Variants in PHRF1 observed in about 807,000 individuals in gnomAD.
The protein encoded by PHRF1 is PHD and ring finger domains 1.
PHRF1 carries 53 observed loss-of-function variants against 128.9 expected under a neutral mutation model. The observed-to-expected ratio is 0.41, with a 90% confidence interval of 0.33 to 0.52. The LOEUF is 0.52. PHRF1 is among the 20% of genes least tolerant of loss of function. The pLI is 0.21. For synonymous variants in PHRF1, 1,178 were observed against 980.6 expected (o/e 1.20, Z -3.76); for missense variants, 2,503 against 2,284.5 (o/e 1.10, Z -1.95).
At chr11:588,637 C>T (rs1354943957) in intron 4 of PHRF1, among the ~76,000 whole-genome samples, 3 of 152,098 alleles carry the variant, frequency 2.0e-5, no homozygotes, top group African/African-American at 4.8e-5. Flanking sequence ...TCTCGGCCTC[C>T]CAAACTGCTG....
chr11:586,740 T>A (rs1854591372), intron 3 of PHRF1, among the ~76,000 whole-genome samples: 1 of 152,184 alleles, frequency 6.6e-6, no homozygotes, highest in South Asian at 2.1e-4. Flanking sequence ...GTGGCCCAGT[T>A]AGGAGTCTGT....
At chr11:586,025 C>A (rs1246497740) in intron 3 of PHRF1, among the ~76,000 whole-genome samples, 3 of 151,942 alleles carry the variant, frequency 2.0e-5, no homozygotes, top group African/African-American at 7.2e-5. Context: ...CCACACCCGG[C>A]TATTTTTGTA....
chr11:579,232 GCTC>G (rs1854066057), intron 1 of PHRF1, among the ~76,000 whole-genome samples: 1 of 150,590 alleles, frequency 6.6e-6, no homozygotes, highest in South Asian at 2.1e-4. Context: ...CCCCAGCCCT[GCTC>G]CTCCCCCCAG....
At chr11:577,313 T>C (rs1056119667) in intron 1 of PHRF1, among the ~76,000 whole-genome samples, 2 of 152,252 alleles carry the variant, frequency 1.3e-5, no homozygotes, top group Admixed American at 1.3e-4. Context: ...TTGACGGGGC[T>C]TGTGTTGCCC....
chr11:590,922 C>G (rs551434301), intron 4 of PHRF1, among the ~76,000 whole-genome samples: 1 of 152,226 alleles, frequency 6.6e-6, no homozygotes, highest in Non-Finnish European at 1.5e-5. Flanking sequence ...AGGCTGGTCT[C>G]GAACTCCCGA....
At position 607,337 on chromosome 11, in the gene PHRF1, C is replaced by G; in HGVS notation, c.1881C>G (p.Ser627Arg). 6.2e-7 allele frequency: 1 copy of G among 1,612,742 alleles called. No individual in the cohort carries two copies. The change falls in exon 14 of 18, where the codon AGC becomes AGG. Residue 627 changes from serine (S) to arginine (R), a missense_variant. Transcript: ENST00000264555. ...SNGSVPGFRQ[S>R]HSPWFNGTNK... ...GGAGTGTGCCTGGCTTCAGACAGAG[C>G]CACAGCCCCTGGTTCAACGGCACCA... is the stretch of plus-strand genomic sequence containing the variant.
chr11:579,853 G>C (rs1564835952), intron 1 of PHRF1, among the ~76,000 whole-genome samples: 1 of 152,234 alleles, frequency 6.6e-6, no homozygotes, highest in Non-Finnish European at 1.5e-5. Context: ...TTAGAATCTA[G>C]GGTTTTGCAC....
intron 3 of PHRF1, among the ~76,000 whole-genome samples, chr11:584,830 C>T (rs911525636): frequency 2.5e-4 from 38 of 151,438 alleles, no homozygotes; most frequent in Non-Finnish European, 4.7e-4. Context: ...CTCTGCCTCC[C>T]GGGTTCAAGC....
intron 6 of PHRF1, among the ~76,000 whole-genome samples, chr11:595,033 A>G (rs1376488052): frequency 6.6e-6 from 1 of 152,348 alleles, no homozygotes; most frequent in Admixed American, 6.5e-5. Context: ...CTGACTTAAA[A>G]ATCACACGTC....
rs756706753 is a variant in PHRF1 at position 611,073 on chromosome 11, C to T, written c.4797C>T (p.Ala1599=). Residue 1599 remains alanine (A), a synonymous_variant, in exon 17 of 18, where the codon GCC becomes GCT. Coordinates refer to ENST00000264555, the MANE Select transcript of PHRF1 (RefSeq NM_001286581.2). ...KEEYKDILRK[A]VQKICHSKSG... ...AGTACAAGGACATCCTGCGCAAGGC[C>T]GTGCAGAAGGTGGGCTGTGTGCGAG... The T allele has an allele frequency of 3.5e-5, 56 of 1,612,630 alleles. No individual in the cohort carries two copies. Among genetic ancestry groups the T allele is most frequent in the East Asian group, 1.1e-4 (5 of 44,872 alleles).
Position 597,148 on chromosome 11 carries a change from G to C in PHRF1, c.718+128G>C. ...GGCTGTCTCATGGGGGTTAGGGTTG[G>C]CTGCGGTGTCGGGAGGACATCTAGG... On this transcript the variant is annotated intron_variant, in intron 7 of 17. Transcript: ENST00000264555. The surrounding 1 kb of genome is among the most constrained non-coding windows in gnomAD (Gnocchi z 6.5). 2.8e-6 allele frequency: 3 copies of C among 1,087,868 alleles called. No individual in the cohort carries two copies. The highest frequency in any genetic ancestry group is 4.0e-6 in the Non-Finnish European group (3 of 754,130). 67.4% of individuals were successfully genotyped at this position (1,087,868 alleles called of 1,614,324 possible). A position where few individuals can be genotyped will look rare whatever the true frequency, so the allele number is the denominator to read the frequency against.
intron 9 of PHRF1, 133 bp downstream of exon 9, chr11:598,635 CA>C: frequency 7.3e-7 from 1 of 1,367,768 alleles, no homozygotes; most frequent in South Asian, 1.5e-5. Context: ...CTGCTGAAAA[CA>C]CTACACAGAA....
Position 607,310 on chromosome 11 carries a change from T to C in PHRF1, c.1854T>C (p.Asn618=). Reference sequence around the variant, plus strand: ...CGGTTCAGGCTCGGAACTTGTCAAATGGGAGTGTGCCTGGCTTCAGACAGA... The same window carrying C: ...CGGTTCAGGCTCGGAACTTGTCAAACGGGAGTGTGCCTGGCTTCAGACAGA... ...PGAVQARNLS[N]GSVPGFRQSH... is the part of the protein sequence containing the mutation. Residue 618 remains asparagine (N), a synonymous_variant, in exon 14 of 18, where the codon AAT becomes AAC. Transcript: ENST00000264555. 1 of 1,612,638 alleles carries C rather than the reference T, an allele frequency of 6.2e-7. No homozygotes were observed. The highest frequency in any genetic ancestry group is 1.1e-5 in the South Asian group (1 of 91,084).
chr11:591,099 T>G (rs1380025860), intron 4 of PHRF1, among the ~76,000 whole-genome samples: 1 of 152,222 alleles, frequency 6.6e-6, no homozygotes, highest in Non-Finnish European at 1.5e-5. Context: ...GAGGGGCCTG[T>G]GCACAATGCC....
In PHRF1 at chr11:605,847, C is replaced by T. The variant is rs1589896264; in HGVS notation, c.1454+123C>T. The stretch of plus-strand genomic sequence containing the variant: ...CCTGGGTGGCGTCAGCACCTCCCCT[C>T]AGCTGTCATGCTCATCAGTCGGCCC... On this transcript the variant is annotated intron_variant, in intron 12 of 17. Coordinates refer to ENST00000264555, the MANE Select transcript of PHRF1 (RefSeq NM_001286581.2). The T allele has an allele frequency of 3.6e-6, 5 of 1,401,698 alleles. No homozygotes were observed. The East Asian group carries it at 1.0e-4, about 28-fold the overall frequency. The allele number at this position is 1,401,698 out of a possible 1,614,324, so 86.8% of individuals were successfully genotyped here.
Position 597,489 on chromosome 11 carries a change from G to A in PHRF1, c.813G>A (p.Arg271=), listed in dbSNP as rs926987656. The change falls in exon 8 of 18, where the codon CGG becomes CGA. Residue 271 remains arginine, a synonymous_variant. Coordinates refer to ENST00000264555, the MANE Select transcript of PHRF1 (RefSeq NM_001286581.2). The surrounding 1 kb of genome is among the most constrained non-coding windows in gnomAD (Gnocchi z 6.5). ...SRLRPRAGRT[R]AIARTRQSER... ...TTCGGCCTCGAGCAGGTAGGACCCGGGCGATAGCCAGGACACGGCAGAGTG... is the reference window on the plus strand; with the variant it reads ...TTCGGCCTCGAGCAGGTAGGACCCGAGCGATAGCCAGGACACGGCAGAGTG... 1.2e-6 allele frequency: 2 copies of A among 1,612,684 alleles called. No homozygotes were observed. The highest frequency in any genetic ancestry group is 1.7e-5 in the Admixed American group (1 of 59,894).
chr11:605,772 A>T (rs750563324), intron 12 of PHRF1, 48 bp downstream of exon 12: 1 of 1,563,648 alleles, frequency 6.4e-7, no homozygotes, highest in South Asian at 1.2e-5. Context: ...GCAGTTGGGC[A>T]TCGGATGGGA....
intron 14 of PHRF1, 87 bp from the exon 15 acceptor site, chr11:610,109 G>C (rs1856271783): frequency 7.0e-7 from 1 of 1,436,308 alleles, no homozygotes. Flanking sequence ...TGCTCCTGGT[G>C]CTTTTCTGGA....
chr11:589,862 T>G, intron 4 of PHRF1, among the ~76,000 whole-genome samples: 3 of 147,330 alleles, frequency 2.0e-5, no homozygotes, highest in African/African-American at 7.8e-5. Flanking sequence ...GCACGGAGCG[T>G]GCGGGGCTCA....
Sources: gnomAD v4.1 joint callset for allele counts (sites outside exome capture counted in the v4.1 genomes callset) on GRCh38, gnomAD v4.1.1 for gene constraint, Gnocchi (gnomAD v3.1) non-coding constraint, MANE v1.5 for transcripts, NCBI Gene and HGNC (gene_info 2026-07-23, HGNC 2026-07-21) for gene names.